LEPR: variants seen among roughly 807,000 people sequenced by gnomAD.
LEPR encodes OB receptor.
A neutral mutation model predicts 114.7 loss-of-function variants in LEPR; 56 were observed. The ratio of observed to expected loss-of-function variants is 0.49; its 90% CI spans 0.39 to 0.61. The LOEUF is 0.61. Among genes scored for constraint, LEPR ranks in the 20% least tolerant of loss-of-function variants. The pLI, the probability that LEPR is intolerant of heterozygous loss-of-function variation, is 0.00. For missense variants in LEPR, 1,202 were observed against 1,352.9 expected (o/e 0.89, Z 1.75); for synonymous variants, 443 against 461.4 (o/e 0.96, Z 0.51).
At chr1:65,548,030 A>G (rs1651918614) in intron 2 of LEPR, among the ~76,000 whole-genome samples, 1 of 151,642 alleles carries the variant, frequency 6.6e-6, no homozygotes, top group Non-Finnish European at 1.5e-5. Flanking sequence ...TTGGTTTCAA[A>G]GAACATCTTT....
At chr1:65,590,775 C>G (rs567714977) in intron 5 of LEPR, among the ~76,000 whole-genome samples, 34 of 152,010 alleles carry the variant, frequency 2.2e-4, no homozygotes, top group African/African-American at 8.2e-4. Flanking sequence ...TTTTAACCAG[C>G]TTTTGGCTTT....
intron 2 of LEPR, among the ~76,000 whole-genome samples, chr1:65,457,602 G>A (rs968018822): frequency 6.6e-6 from 1 of 152,138 alleles, no homozygotes; most frequent in Non-Finnish European, 1.5e-5. Flanking sequence ...GGCTTTTATG[G>A]TATTTATCAC....
chr1:65,488,246 T>TTCTTTCTTTCTC (rs1647671312), intron 2 of LEPR, among the ~76,000 whole-genome samples: 2 of 138,326 alleles, frequency 1.4e-5, no homozygotes, highest in South Asian at 2.3e-4. Context: ...CTTTCTTTCT[T>TTCTTTCTTTCTC]TCTTTCTTTC....
chr1:65,524,561 G>A (rs542571459), intron 2 of LEPR, among the ~76,000 whole-genome samples: 13 of 152,316 alleles, frequency 8.5e-5, no homozygotes, highest in Admixed American at 7.8e-4. Flanking sequence ...CCAGGGAGCC[G>A]GGAGTCGTCG....
At chr1:65,423,265 G>A (rs994179405) in intron 1 of LEPR, among the ~76,000 whole-genome samples, 2 of 152,066 alleles carry the variant, frequency 1.3e-5, no homozygotes, top group Non-Finnish European at 2.9e-5. Context: ...GCTTTGGGTT[G>A]AACATAAGTT....
chr1:65,565,303 T>G (rs576439418), intron 2 of LEPR, among the ~76,000 whole-genome samples: 9 of 152,326 alleles, frequency 5.9e-5, no homozygotes, highest in African/African-American at 2.2e-4. Flanking sequence ...TGTTATGGCA[T>G]AAAGGAACAT....
chr1:65,541,761 A>T (rs1196345411), intron 2 of LEPR, among the ~76,000 whole-genome samples: 2 of 152,174 alleles, frequency 1.3e-5, no homozygotes, highest in African/African-American at 4.8e-5. Context: ...TGCTTCTCTA[A>T]CAAAAAGTAA....
intron 2 of LEPR, among the ~76,000 whole-genome samples, chr1:65,478,934 A>C (rs1406706788): frequency 6.6e-6 from 1 of 152,210 alleles, no homozygotes; most frequent in East Asian, 1.9e-4. Flanking sequence ...CACACCCTAC[A>C]TTTGGTCAGG....
intron 2 of LEPR, among the ~76,000 whole-genome samples, chr1:65,546,367 G>A (rs527395669): frequency 7.2e-5 from 11 of 152,222 alleles, no homozygotes; most frequent in South Asian, 2.1e-4. Context: ...AGCTTGATGC[G>A]GATGGCATTG....
chr1:65,608,934 T>C (rs759619703), intron 12 of LEPR, 33 bp downstream of exon 12: 3 of 1,612,186 alleles, frequency 1.9e-6, no homozygotes, highest in Non-Finnish European at 2.5e-6. Context: ...GCTTTCCTCA[T>C]TAAATGCTAT....
intron 2 of LEPR, among the ~76,000 whole-genome samples, chr1:65,488,226 CTCTTTCTT>C (rs71577203): frequency 0.012 from 795 of 67,712 alleles, 9 homozygotes; most frequent in Non-Finnish European, 0.015. Flanking sequence ...CTCTCTCTCT[CTCTTTCTT>C]TCTTTCTTTC....
intron 8 of LEPR, 21 bp downstream of exon 8, chr1:65,598,825 T>C (rs374937996): frequency 5.4e-5 from 87 of 1,612,800 alleles, no homozygotes; most frequent in Admixed American, 1.3e-4. Flanking sequence ...TAATAGCCAC[T>C]TCTACTGGGA....
chr1:65,429,761 A>C (rs891419404), intron 2 of LEPR: 3 of 1,065,220 alleles, frequency 2.8e-6, no homozygotes, highest in Non-Finnish European at 3.9e-6. Context: ...TTTTTGACCT[A>C]AACATTTAAA....
chr1:65,570,596 A>C lies in LEPR; in HGVS notation c.164A>C (p.Lys55Thr). ...TTCCTTTTGCCTGCTGGACTCTCAA[A>C]GAATACTTCAAATTCGAATGGACAT... ...DYFLLPAGLS[K>T]NTSNSNGHYE... Residue 55 changes from lysine (K) to threonine (T), a missense_variant, in exon 4 of 20, where the codon AAG becomes ACG. Physicochemically the swap from Lys to Thr is moderately conservative, Grantham distance 78. Coordinates refer to ENST00000349533, the MANE Select transcript of LEPR (RefSeq NM_002303.6). 6.2e-7 allele frequency: 1 copy of C among 1,614,012 alleles called. No individual in the cohort carries two copies. The highest frequency in any genetic ancestry group is 8.5e-7 in the Non-Finnish European group (1 of 1,179,932).
At chr1:65,564,154 C>T (rs563623207) in intron 2 of LEPR, among the ~76,000 whole-genome samples, 6 of 148,904 alleles carry the variant, frequency 4.0e-5, no homozygotes, top group South Asian at 2.2e-4. Flanking sequence ...CCCCCAGCCT[C>T]GCTGCCGCCT....
intron 12 of LEPR, 28 bp downstream of exon 12, chr1:65,608,929 C>T (rs753958274): frequency 2.5e-6 from 4 of 1,612,540 alleles, no homozygotes; most frequent in Non-Finnish European, 2.5e-6. Flanking sequence ...CTTCAGCTTT[C>T]CTCATTAAAT....
chr1:65,437,979 T>C (rs1437041658), intron 2 of LEPR, among the ~76,000 whole-genome samples: 3 of 151,948 alleles, frequency 2.0e-5, no homozygotes, highest in Non-Finnish European at 4.4e-5. Flanking sequence ...GGCTAAGTTA[T>C]TTATTTTTTG....
chr1:65,618,248 T>C (rs1323769757), intron 16 of LEPR, 102 bp downstream of exon 16: 9 of 988,766 alleles, frequency 9.1e-6, no homozygotes, highest in African/African-American at 1.6e-5. Flanking sequence ...TTCAAAAATA[T>C]AGAGGATACT....
In LEPR at chr1:65,636,496, T is replaced by C; in HGVS notation, c.2979T>C (p.Ser993=). The C allele has an allele frequency of 6.2e-7, 1 of 1,614,066 alleles. No homozygotes were observed. The highest frequency in any genetic ancestry group is 8.5e-7 in the Non-Finnish European group (1 of 1,179,994). ...AATACGCCACGCTGATCAGCAACTC[T>C]AAACCAAGTGAAACTGGTGAAGAAC... ...FVKYATLISN[S]KPSETGEEQG... The change falls in exon 20 of 20, where the codon TCT becomes TCC. Residue 993 remains serine, a synonymous_variant. Coordinates refer to ENST00000349533, the MANE Select transcript of LEPR (RefSeq NM_002303.6).
Sources: gnomAD v4.1 joint callset for allele counts (sites outside exome capture counted in the v4.1 genomes callset) on GRCh38, gnomAD v4.1.1 for gene constraint, MANE v1.5 for transcripts, NCBI Gene and HGNC (gene_info 2026-07-23, HGNC 2026-07-21) for gene names.